Variants in OSBPL5 observed in about 807,000 individuals in gnomAD.
The protein encoded by OSBPL5 is oxysterol-binding protein-related protein 5.
OSBPL5 carries 71 observed loss-of-function variants against 111.2 expected under a neutral mutation model. The ratio of observed to expected loss-of-function variants is 0.64; its 90% CI spans 0.53 to 0.78. The LOEUF (loss-of-function observed/expected upper bound fraction) is 0.78. Among genes scored for constraint, OSBPL5 ranks in the 30% least tolerant of loss-of-function variants. The probability of loss-of-function intolerance (pLI) is 0.00; values close to 1 mark genes in which losing one functional copy is unlikely to be tolerated. For missense variants in OSBPL5, 1,210 were observed against 1,189.3 expected (o/e 1.02, Z -0.26); for synonymous variants, 549 against 513.9 (o/e 1.07, Z -0.93).
chr11:3,145,902 G>T (rs1846325728), intron 1 of OSBPL5, among the ~76,000 whole-genome samples: 1 of 152,186 alleles, frequency 6.6e-6, no homozygotes, highest in Admixed American at 6.5e-5. Context: ...ACTCCTAGAT[G>T]ACTCTGGGTG....
chr11:3,128,875 C>T (rs1210976525), intron 2 of OSBPL5, 138 bp downstream of exon 2: 36 of 827,672 alleles, frequency 4.3e-5, no homozygotes, highest in Non-Finnish European at 3.8e-5. Flanking sequence ...AGCTACAAAC[C>T]GTTTGATCAT....
rs894265745 is a variant in OSBPL5, at chr11:3,129,278, T to A, written c.-21-109A>T. On this transcript the variant is annotated intron_variant, in intron 1 of 21. Coordinates refer to ENST00000263650, the MANE Select transcript of OSBPL5 (RefSeq NM_020896.4). ...AGAAGTCCCCCTCTCAGGGGACTTCTGAGGCAGGGTGAGGAGGGCCTGGGC... is the reference window on the plus strand; with the variant it reads ...AGAAGTCCCCCTCTCAGGGGACTTCAGAGGCAGGGTGAGGAGGGCCTGGGC... The A allele has an allele frequency of 1.6e-5, 17 of 1,055,372 alleles. No individual in the cohort carries two copies. The South Asian group carries it at 3.9e-4, about 24-fold the overall frequency. The allele number at this position is 1,055,372 out of a possible 1,614,324, so 65.4% of individuals were successfully genotyped here.
chr11:3,116,090 T>TA (rs1858197628), intron 7 of OSBPL5, among the ~76,000 whole-genome samples: 1 of 152,302 alleles, frequency 6.6e-6, no homozygotes, highest in East Asian at 1.9e-4. Flanking sequence ...ATATTTGGCT[T>TA]ATTTGGTATA....
Position 3,122,430 on chromosome 11 carries a change from T to C in OSBPL5, c.220-2A>G, listed in dbSNP as rs1564844074. 1 of 1,613,362 alleles carries C rather than the reference T, an allele frequency of 6.2e-7. No individual in the cohort carries two copies. The highest frequency in any genetic ancestry group is 1.7e-5 in the Admixed American group (1 of 59,960). On this transcript the variant is annotated splice_acceptor_variant, in intron 3 of 21. Coordinates refer to ENST00000263650, the MANE Select transcript of OSBPL5 (RefSeq NM_020896.4). LOFTEE classifies it high-confidence loss of function. ...CCCGTTGCACAGCCTGTACTCTGCC[T>C]GAAAGAGAGAGGTGGGTATGCGGGA... is the stretch of plus-strand genomic sequence containing the variant.
rs1564846746 is a variant in OSBPL5 at position 3,126,899 on chromosome 11, G to T, written c.137-344C>A. ...TCCCCAGTTTTCAGAAAAAGAATGT[G>T]ACATCCAGTCTCAAAGACACATGGC... is the stretch of plus-strand genomic sequence containing the variant. On this transcript the variant is annotated intron_variant, in intron 2 of 21. Coordinates refer to ENST00000263650, the MANE Select transcript of OSBPL5 (RefSeq NM_020896.4). The surrounding 1 kb of genome is among the most constrained non-coding windows in gnomAD (Gnocchi z 6.5). Among the ~76,000 whole-genome samples, 1 of 152,196 alleles carries T rather than the reference G, an allele frequency of 6.6e-6. No individual in the cohort carries two copies. The highest frequency in any genetic ancestry group is 2.4e-5 in the African/African-American group (1 of 41,446).
At chr11:3,160,390 C>A (rs1377113401) in intron 1 of OSBPL5, among the ~76,000 whole-genome samples, 1 of 152,210 alleles carries the variant, frequency 6.6e-6, no homozygotes, top group Non-Finnish European at 1.5e-5. Flanking sequence ...AGGAGCGGGA[C>A]GCACTGCTTC....
At chr11:3,117,497 C>A (rs755160111) in intron 7 of OSBPL5, among the ~76,000 whole-genome samples, 12 of 152,218 alleles carry the variant, frequency 7.9e-5, no homozygotes, top group Non-Finnish European at 1.5e-4. Context: ...AAACTAATTA[C>A]TCTTGCTGCA....
At chr11:3,164,725 T>C (rs1847060517) in intron 1 of OSBPL5, among the ~76,000 whole-genome samples, 1 of 152,152 alleles carries the variant, frequency 6.6e-6, no homozygotes, top group African/African-American at 2.4e-5. Flanking sequence ...AGCCCGCAGC[T>C]GGGACGCCAG....
At chr11:3,114,591 ATTTTTTTTTTTT>A (rs59645003) in intron 7 of OSBPL5, among the ~76,000 whole-genome samples, 16 of 113,900 alleles carry the variant, frequency 1.4e-4, no homozygotes, top group African/African-American at 5.3e-4. Flanking sequence ...TAGAACAATG[ATTTTTTTTTTTT>A]TTTTTTTTTT....
chr11:3,131,108 C>T (rs1813207939), intron 1 of OSBPL5, among the ~76,000 whole-genome samples: 1 of 152,132 alleles, frequency 6.6e-6, no homozygotes, highest in African/African-American at 2.4e-5. Context: ...GCCTCAGCTG[C>T]CCTGTCTGGC....
intron 1 of OSBPL5, among the ~76,000 whole-genome samples, chr11:3,157,258 T>G (rs1846799941): frequency 6.6e-6 from 1 of 152,022 alleles, no homozygotes; most frequent in African/African-American, 2.4e-5. Context: ...GGCCCAGATC[T>G]AAGGGAGTCA....
At position 3,106,873 on chromosome 11, in the gene OSBPL5, T is replaced by C. The variant is rs1190115815; in HGVS notation, c.1059+390A>G. ...CCAGGTGTGCAGGTGCCTGTGAGCA[T>C]GGGACTCAGGTCCACACGCCCTCCT... On this transcript the variant is annotated intron_variant, in intron 9 of 21. Transcript: ENST00000263650. This position sits in a 1 kb window ranked among gnomAD's most constrained non-coding sequence, Gnocchi z 8.4. Among the ~76,000 whole-genome samples, 1 of 152,136 alleles carries C rather than the reference T, an allele frequency of 6.6e-6. No individual in the cohort carries two copies. Among genetic ancestry groups the C allele is most frequent in the African/African-American group, 2.4e-5 (1 of 41,420 alleles).
intron 11 of OSBPL5, 131 bp from the exon 12 acceptor site, chr11:3,102,412 G>C: frequency 9.0e-6 from 7 of 780,026 alleles, no homozygotes; most frequent in South Asian, 8.0e-5. Flanking sequence ...TTTGCTGCTA[G>C]CATCTGGGAA....
At chr11:3,132,327 G>A (rs573012471) in intron 1 of OSBPL5, among the ~76,000 whole-genome samples, 2 of 152,080 alleles carry the variant, frequency 1.3e-5, no homozygotes, top group South Asian at 4.2e-4. Context: ...AGACAGGGTG[G>A]GCGGCAGCTC....
At chr11:3,112,095 G>A (rs1858009618) in intron 7 of OSBPL5, among the ~76,000 whole-genome samples, 2 of 131,270 alleles carry the variant, frequency 1.5e-5, no homozygotes. Context: ...GCATGTGTGT[G>A]TGCATATGTG....
intron 7 of OSBPL5, among the ~76,000 whole-genome samples, chr11:3,115,462 G>A (rs367757641): frequency 8.8e-4 from 134 of 152,240 alleles, no homozygotes; most frequent in African/African-American, 3.1e-3. Flanking sequence ...CTTCAGGCCC[G>A]GTAGAAGATG....
rs1856928918 is a variant in OSBPL5 at position 3,088,011 on chromosome 11, G to A, written c.*194C>T. The stretch of plus-strand genomic sequence containing the variant: ...GCTGGGCGGAAGGCCCTGCAGAGAG[G>A]CCAGTGCCCCTGAGAGGGGCCCAGC... On this transcript the variant is annotated 3_prime_UTR_variant, in exon 22 of 22. Transcript: ENST00000263650. 2 of 484,966 alleles carry A rather than the reference G, an allele frequency of 4.1e-6. No homozygotes were observed. The highest frequency in any genetic ancestry group is 4.0e-5 in the Admixed American group (1 of 24,782). 30.0% of individuals were successfully genotyped at this position (484,966 alleles called of 1,614,324 possible).
chr11:3,135,718 G>A (rs1411235698), intron 1 of OSBPL5, among the ~76,000 whole-genome samples: 1 of 152,220 alleles, frequency 6.6e-6, no homozygotes, highest in Non-Finnish European at 1.5e-5. Context: ...TGGTGGCAGC[G>A]CCTGGGGGCC....
chr11:3,134,965 C>T (rs1029509106), intron 1 of OSBPL5, among the ~76,000 whole-genome samples: 6 of 152,186 alleles, frequency 3.9e-5, no homozygotes, highest in Non-Finnish European at 8.8e-5. Context: ...GGGAGAAGCT[C>T]GGCCCATGGA....
Sources: gnomAD v4.1 joint callset for allele counts (sites outside exome capture counted in the v4.1 genomes callset) on GRCh38, gnomAD v4.1.1 for gene constraint, Gnocchi (gnomAD v3.1) non-coding constraint, MANE v1.5 for transcripts, NCBI Gene and HGNC (gene_info 2026-07-23, HGNC 2026-07-21) for gene names.